The following CSRNP3 variants were observed in gnomAD, a reference collection of about 807,000 sequenced individuals.
CSRNP3 encodes cysteine and serine rich nuclear protein 3, also known as cysteine/serine-rich nuclear protein 3.
CSRNP3 carries 12 observed loss-of-function variants against 48.0 expected under a neutral mutation model. The observed-to-expected ratio is 0.25, with a 90% CI of 0.16 to 0.41. CSRNP3 has a LOEUF of 0.41. Among genes scored for constraint, CSRNP3 ranks in the 10% least tolerant of loss-of-function variants. The pLI is 1.00. For missense variants in CSRNP3, 580 were observed against 724.4 expected (o/e 0.80, Z 2.29); for synonymous variants, 263 against 269.7 (o/e 0.98, Z 0.24).
chr2:165,492,707 A>T (rs1030012985), intron 1 of CSRNP3, among the ~76,000 whole-genome samples: 1 of 143,718 alleles, frequency 7.0e-6, no homozygotes, highest in Admixed American at 7.2e-5. Context: ...ACACCCAGTA[A>T]GTAAGCACTA....
Position 165,679,958 on chromosome 2 carries a change from T to G in CSRNP3, c.*205T>G. The G allele has an allele frequency of 1.5e-6, 1 of 685,526 alleles. No individual in the cohort carries two copies. Among genetic ancestry groups the G allele is most frequent in the Non-Finnish European group, 2.3e-6 (1 of 433,498 alleles). The allele number at this position is 685,526 out of a possible 1,614,324, so 42.5% of individuals were successfully genotyped here. ...GTCTCTGTAGGGATTTTAAAAGATT[T>G]CAGACTGTTTTGATAGAAAAAGCTA... On this transcript the variant is annotated 3_prime_UTR_variant, in exon 7 of 7. Transcript: ENST00000651982.
intron 5 of CSRNP3, among the ~76,000 whole-genome samples, chr2:165,669,959 A>G (rs1687301906): frequency 1.3e-5 from 2 of 152,220 alleles, no homozygotes; most frequent in Admixed American, 1.3e-4. Flanking sequence ...GTCAGTATTC[A>G]TCACCTGTAA....
chr2:165,614,121 A>G (rs1228540793), intron 4 of CSRNP3, among the ~76,000 whole-genome samples: 1 of 152,022 alleles, frequency 6.6e-6, no homozygotes, highest in African/African-American at 2.4e-5. Flanking sequence ...ATGCCTCGCT[A>G]AGGTTTGTAA....
chr2:165,500,758 A>T (rs912799302), intron 2 of CSRNP3, among the ~76,000 whole-genome samples: 1 of 152,024 alleles, frequency 6.6e-6, no homozygotes, highest in African/African-American at 2.4e-5. Context: ...GTGCCTGGCC[A>T]TTATTTATAT....
In CSRNP3 at chr2:165,666,421, GAAGA is replaced by G. The variant is rs1355938208; in HGVS notation, c.408+8410_408+8413del. On this transcript the variant is annotated intron_variant, in intron 5 of 6. Transcript: ENST00000651982. ...GAAGGAAGGGAGGAAAGAGAGAGAG[GAAGA>G]AAGAAAGACAGAGAGGAAGGAAGGG... Among the ~76,000 whole-genome samples the G allele has an allele frequency of 2.4e-3, 128 of 53,926 alleles. 20 individuals carry two copies. Among genetic ancestry groups the G allele is most frequent in the African/African-American group, 6.4e-3 (122 of 19,132 alleles). The allele number at this position is 53,926 out of a possible 152,430, so 35.4% of individuals were successfully genotyped here. A position where few individuals can be genotyped will look rare whatever the true frequency, so the allele number is the denominator to read the frequency against.
At position 165,492,262 on chromosome 2, in the gene CSRNP3, T is replaced by A. The variant is rs1684223012; in HGVS notation, c.-282-2497T>A. ...AATAGCAAGCTAATGAGTTGTCCCTTTAAAATGTAAGCTAGATCTTGGCAC... is the reference window on the plus strand; with the variant it reads ...AATAGCAAGCTAATGAGTTGTCCCTATAAAATGTAAGCTAGATCTTGGCAC... On this transcript the variant is annotated intron_variant, in intron 1 of 6. Coordinates refer to ENST00000651982, the MANE Select transcript of CSRNP3 (RefSeq NM_001172173.2). Among the ~76,000 whole-genome samples the A allele has an allele frequency of 2.6e-5, 4 of 152,292 alleles. 1 individual carries two copies. The highest frequency in any genetic ancestry group is 2.6e-4 in the Admixed American group (4 of 15,292).
intron 4 of CSRNP3, among the ~76,000 whole-genome samples, chr2:165,622,894 A>C (rs528342888): frequency 6.6e-6 from 1 of 152,248 alleles, no homozygotes; most frequent in South Asian, 2.1e-4. Flanking sequence ...TCTCCATTAC[A>C]GTCTATACTC....
At chr2:165,674,900 A>G (rs528613368) in intron 5 of CSRNP3, among the ~76,000 whole-genome samples, 20 of 151,220 alleles carry the variant, frequency 1.3e-4, no homozygotes, top group Non-Finnish European at 2.8e-4. Flanking sequence ...TTTGATAGAG[A>G]TGGGGTTTCA....
chr2:165,581,857 C>A (rs1362601443), intron 3 of CSRNP3, among the ~76,000 whole-genome samples: 1 of 152,086 alleles, frequency 6.6e-6, no homozygotes, highest in Non-Finnish European at 1.5e-5. Flanking sequence ...GATAGAAGTG[C>A]AAACTGAGAC....
At chr2:165,544,570 G>C (rs1042315192) in intron 3 of CSRNP3, among the ~76,000 whole-genome samples, 1 of 149,534 alleles carries the variant, frequency 6.7e-6, no homozygotes, top group Non-Finnish European at 1.5e-5. Flanking sequence ...GCTTGGACCA[G>C]AGTGAGAGAG....
At chr2:165,575,245 T>C (rs1685429358) in intron 3 of CSRNP3, among the ~76,000 whole-genome samples, 1 of 152,200 alleles carries the variant, frequency 6.6e-6, no homozygotes, top group South Asian at 2.1e-4. Flanking sequence ...AAATGTGTAC[T>C]CACTTTTATT....
chr2:165,535,316 C>CTT (rs796304994), intron 3 of CSRNP3, among the ~76,000 whole-genome samples: 2 of 140,932 alleles, frequency 1.4e-5, no homozygotes. Flanking sequence ...TTAGCTTGTT[C>CTT]TTTTTTTTTT....
At chr2:165,529,795 T>C (rs918457317) in intron 3 of CSRNP3, among the ~76,000 whole-genome samples, 3 of 152,210 alleles carry the variant, frequency 2.0e-5, no homozygotes, top group Admixed American at 6.5e-5. Context: ...GGTGACTTTG[T>C]TGAATTTAAC....
At chr2:165,532,789 A>G (rs1465326431) in intron 3 of CSRNP3, among the ~76,000 whole-genome samples, 4 of 152,168 alleles carry the variant, frequency 2.6e-5, no homozygotes, top group South Asian at 2.1e-4. Context: ...TGCAGATGAC[A>G]TGATTGTATA....
At chr2:165,642,890 A>G (rs576562408) in intron 4 of CSRNP3, among the ~76,000 whole-genome samples, 1 of 152,166 alleles carries the variant, frequency 6.6e-6, no homozygotes, top group Non-Finnish European at 1.5e-5. Flanking sequence ...TTATTTTTCA[A>G]ATTTGCTCTG....
At chr2:165,607,108 A>G (rs993820676) in intron 4 of CSRNP3, among the ~76,000 whole-genome samples, 1 of 152,156 alleles carries the variant, frequency 6.6e-6, no homozygotes, top group African/African-American at 2.4e-5. Context: ...TACAATTTCA[A>G]TTGGGATGAA....
rs562517096 is a variant in CSRNP3, at chr2:165,503,050, C to T, written c.-113+8122C>T. 4.6e-5 allele frequency among the ~76,000 whole-genome samples: 7 copies of T among 151,958 alleles called. No individual in the cohort carries two copies. The South Asian group carries it at 1.0e-3, about 22-fold the overall frequency. On this transcript the variant is annotated intron_variant, in intron 2 of 6. Transcript: ENST00000651982. ...ATTAGTTATTTGGTGAATGCATATACAATATCTTTCCTATTTTGTCATTTT... is the reference window on the plus strand; with the variant it reads ...ATTAGTTATTTGGTGAATGCATATATAATATCTTTCCTATTTTGTCATTTT...
intron 5 of CSRNP3, among the ~76,000 whole-genome samples, chr2:165,665,967 AGAGG>A (rs1419623736): frequency 2.7e-5 from 3 of 109,276 alleles, no homozygotes; most frequent in South Asian, 3.3e-4. Flanking sequence ...AAGGAAAGAG[AGAGG>A]GGAAGAAAGA....
chr2:165,517,599 G>C (rs1446834169), intron 2 of CSRNP3, among the ~76,000 whole-genome samples: 1 of 151,788 alleles, frequency 6.6e-6, no homozygotes, highest in African/African-American at 2.4e-5. Context: ...TTAACTTATT[G>C]TCCCAAATAA....
Sources: gnomAD v4.1 joint callset for allele counts (sites outside exome capture counted in the v4.1 genomes callset) on GRCh38, gnomAD v4.1.1 for gene constraint, MANE v1.5 for transcripts, NCBI Gene and HGNC (gene_info 2026-07-23, HGNC 2026-07-21) for gene names.